Variants in RAB21 observed in about 807,000 individuals in gnomAD.
RAB21 encodes the protein ras-related protein Rab-21.
In RAB21, 13 loss-of-function variants were observed where a neutral mutation model predicts 33.1. That is an observed-to-expected ratio of 0.39 (90% CI 0.26 to 0.62). The LOEUF (loss-of-function observed/expected upper bound fraction) is 0.62. Ranked by LOEUF, RAB21 falls within the 20% of genes least tolerant of loss-of-function variation. The probability of loss-of-function intolerance (pLI) is 0.48; values close to 1 mark genes in which losing one functional copy is unlikely to be tolerated. For missense variants in RAB21, 234 were observed against 279.1 expected, an observed-to-expected ratio of 0.84 and a Z score of 1.15; for synonymous variants, 91 against 103.7, an observed-to-expected ratio of 0.88 and a Z score of 0.74.
chr12:71,769,658 T>G, intron 1 of RAB21, 142 bp from the exon 2 acceptor site: 2 of 403,090 alleles, frequency 5.0e-6, no homozygotes, highest in East Asian at 3.8e-5. Context: ...AATGAAACAA[T>G]TTCGATCATT....
At chr12:71,757,375 G>C (rs970678351) in intron 1 of RAB21, among the ~76,000 whole-genome samples, 1 of 152,154 alleles carries the variant, frequency 6.6e-6, no homozygotes, top group Admixed American at 6.5e-5. Context: ...CTCCCAAAGT[G>C]CTGGGATTAC....
intron 3 of RAB21, among the ~76,000 whole-genome samples, chr12:71,771,364 A>G (rs1883039882): frequency 6.6e-6 from 1 of 152,206 alleles, no homozygotes; most frequent in Non-Finnish European, 1.5e-5. Flanking sequence ...TATGTCAACA[A>G]TGTGTAACTA....
chr12:71,797,580 A>T lies in RAB21; in HGVS notation c.*11907A>T, dbSNP rs1032501656. 1 of 75,354 alleles carries T rather than the reference A, an allele frequency of 1.3e-5. No individual in the cohort carries two copies. Among genetic ancestry groups the T allele is most frequent in the African/African-American group, 1.2e-4 (1 of 8,144 alleles). 4.7% of individuals were successfully genotyped at this position (75,354 alleles called of 1,614,324 possible). A position where few individuals can be genotyped will look rare whatever the true frequency, so the allele number is the denominator to read the frequency against. ...CAATCCCAATAAAAATATAAGGATT[A>T]AAAAAAAAAAAAACTAGATCGCTGA... On this transcript the variant is annotated 3_prime_UTR_variant, in exon 7 of 7. Coordinates refer to ENST00000261263, the MANE Select transcript of RAB21 (RefSeq NM_014999.4).
chr12:71,791,804 C>G lies in RAB21; in HGVS notation c.*6131C>G, dbSNP rs1181511018. 1 of 152,116 alleles carries G rather than the reference C, an allele frequency of 6.6e-6. No individual in the cohort carries two copies. Among genetic ancestry groups the G allele is most frequent in the African/African-American group, 2.4e-5 (1 of 41,426 alleles). 9.4% of individuals were successfully genotyped at this position (152,116 alleles called of 1,614,324 possible). ...CCATTCCCTGAATGGAACTTCTACCCTATATCAAATTCCACCCTCAACTGA... is the reference window on the plus strand; with the variant it reads ...CCATTCCCTGAATGGAACTTCTACCGTATATCAAATTCCACCCTCAACTGA... On this transcript the variant is annotated 3_prime_UTR_variant, in exon 7 of 7. Transcript: ENST00000261263.
chr12:71,755,239 T>A lies in RAB21; in HGVS notation c.110T>A (p.Leu37Gln). The change falls in exon 1 of 7, where the codon CTG (leucine) becomes CAG (glutamine). Residue 37 changes from leucine to glutamine, a missense_variant. Physicochemically the swap from Leu to Gln is moderately radical, Grantham distance 113. Coordinates refer to ENST00000261263, the MANE Select transcript of RAB21 (RefSeq NM_014999.4). ...TGCGTGGGGAAGACGTCGCTGGTGC[T>A]GCGCTACTGCGAGAACAAGTTTAAC... ...EGCVGKTSLV[L>Q]RYCENKFNDK... The A allele has an allele frequency of 6.5e-7, 1 of 1,547,070 alleles. No individual in the cohort carries two copies. Among genetic ancestry groups the A allele is most frequent in the Non-Finnish European group, 8.7e-7 (1 of 1,151,010 alleles).
At chr12:71,784,547 A>G (rs1459975281) in intron 6 of RAB21, among the ~76,000 whole-genome samples, 1 of 151,694 alleles carries the variant, frequency 6.6e-6, no homozygotes, top group Non-Finnish European at 1.5e-5. Flanking sequence ...GTCCAGTTCT[A>G]TTAATACTAC....
intron 1 of RAB21, among the ~76,000 whole-genome samples, chr12:71,768,422 A>T (rs1247476687): frequency 3.4e-4 from 51 of 152,102 alleles, no homozygotes; most frequent in Non-Finnish European, 1.5e-5. Flanking sequence ...CTATCTCTAT[A>T]CAGGTCTGAA....
chr12:71,762,454 C>T (rs373234085), intron 1 of RAB21, among the ~76,000 whole-genome samples: 12 of 151,918 alleles, frequency 7.9e-5, no homozygotes, highest in Non-Finnish European at 1.5e-4. Flanking sequence ...TACAGGCGCC[C>T]GCTACCACGC....
At position 71,755,158 on chromosome 12, in the gene RAB21, GGGC is replaced by G. The variant is rs745789029; in HGVS notation, c.41_43del (p.Ala14del). 173 of 1,302,892 alleles carry G rather than the reference GGGC, an allele frequency of 1.3e-4. No individual in the cohort carries two copies. Among genetic ancestry groups the G allele is most frequent in the South Asian group, 3.9e-4 (15 of 38,190 alleles). 80.7% of individuals were successfully genotyped at this position (1,302,892 alleles called of 1,614,324 possible). A position where few individuals can be genotyped will look rare whatever the true frequency, so the allele number is the denominator to read the frequency against. On this transcript the variant is annotated inframe_deletion, in exon 1 of 7. Transcript: ENST00000261263. ...GCTGCGGCCGGCGGCGGCGGCGGCG[GGGC>G]GGCGGCGGCGGGCCGAGCCTACTCG...
intron 1 of RAB21, among the ~76,000 whole-genome samples, chr12:71,760,995 AC>A (rs1882864792): frequency 6.6e-6 from 1 of 151,832 alleles, no homozygotes; most frequent in Non-Finnish European, 1.5e-5. Context: ...GCTTGAGGAC[AC>A]AAGTTCAAGA....
intron 1 of RAB21, 63 bp downstream of exon 1, chr12:71,755,351 A>G: frequency 7.0e-7 from 1 of 1,418,776 alleles, no homozygotes. Flanking sequence ...GGCTGGGGAA[A>G]CTTTGCCGCC....
rs1457587162 is a variant in RAB21, at chr12:71,794,649, A to T, written c.*8976A>T. 2 of 145,754 alleles carry T rather than the reference A, an allele frequency of 1.4e-5. No homozygotes were observed. The highest frequency in any genetic ancestry group is 3.0e-5 in the Non-Finnish European group (2 of 66,274). The allele number at this position is 145,754 out of a possible 1,614,324, so 9.0% of individuals were successfully genotyped here. A position where few individuals can be genotyped will look rare whatever the true frequency, so the allele number is the denominator to read the frequency against. ...GAGATGGGGTTTCACCGTGTTAGCC[A>T]GGATGGTCTCTATCTCCTGACCTTG... On this transcript the variant is annotated 3_prime_UTR_variant, in exon 7 of 7. Transcript: ENST00000261263.
Position 71,789,024 on chromosome 12 carries a change from TG to T in RAB21, c.*3352del, listed in dbSNP as rs1381136545. 1 of 151,844 alleles carries T rather than the reference TG, an allele frequency of 6.6e-6. No homozygotes were observed. The highest frequency in any genetic ancestry group is 2.4e-5 in the African/African-American group (1 of 41,330). 9.4% of individuals were successfully genotyped at this position (151,844 alleles called of 1,614,324 possible). A position where few individuals can be genotyped will look rare whatever the true frequency, so the allele number is the denominator to read the frequency against. On this transcript the variant is annotated 3_prime_UTR_variant, in exon 7 of 7. Coordinates refer to ENST00000261263, the MANE Select transcript of RAB21 (RefSeq NM_014999.4). The stretch of plus-strand genomic sequence containing the variant: ...TTTTTTTTTTTTAATAGTAGCCATA[TG>T]TTATTAGTGGAGTACTTTATATTTG...
In RAB21 at chr12:71,786,242, A is replaced by G. The variant is rs897080052; in HGVS notation, c.*569A>G. 1.3e-5 allele frequency: 2 copies of G among 152,526 alleles called. No homozygotes were observed. The highest frequency in any genetic ancestry group is 2.4e-5 in the African/African-American group (1 of 41,392). 9.4% of individuals were successfully genotyped at this position (152,526 alleles called of 1,614,324 possible). A position where few individuals can be genotyped will look rare whatever the true frequency, so the allele number is the denominator to read the frequency against. ...GCAATTACCAATGGCCTTTTTACAT[A>G]TTTTTTCTTTAATGAGGAATAATAT... On this transcript the variant is annotated 3_prime_UTR_variant, in exon 7 of 7. Coordinates refer to ENST00000261263, the MANE Select transcript of RAB21 (RefSeq NM_014999.4).
Position 71,797,596 on chromosome 12 carries a change from A to G in RAB21, c.*11923A>G, listed in dbSNP as rs1219926365. Reference sequence around the variant, plus strand: ...ATAAGGATTAAAAAAAAAAAAAACTAGATCGCTGATTCCAAAGTTTCTTTG... The same window carrying G: ...ATAAGGATTAAAAAAAAAAAAAACTGGATCGCTGATTCCAAAGTTTCTTTG... On this transcript the variant is annotated 3_prime_UTR_variant, in exon 7 of 7. Transcript: ENST00000261263. 1.4e-5 allele frequency: 2 copies of G among 147,498 alleles called. No individual in the cohort carries two copies. The highest frequency in any genetic ancestry group is 6.8e-5 in the Admixed American group (1 of 14,780). 9.1% of individuals were successfully genotyped at this position (147,498 alleles called of 1,614,324 possible). A position where few individuals can be genotyped will look rare whatever the true frequency, so the allele number is the denominator to read the frequency against.
In RAB21 at chr12:71,785,858, G is replaced by T; in HGVS notation, c.*185G>T. 3.6e-6 allele frequency: 2 copies of T among 548,940 alleles called. No individual in the cohort carries two copies. Among genetic ancestry groups the T allele is most frequent in the Non-Finnish European group, 5.9e-6 (2 of 338,516 alleles). 34.0% of individuals were successfully genotyped at this position (548,940 alleles called of 1,614,324 possible). A position where few individuals can be genotyped will look rare whatever the true frequency, so the allele number is the denominator to read the frequency against. ...AAACTTAGTGGAGTTTGTGACCAGA[G>T]AATTGGCATTTTCTACAAATGTTTT... On this transcript the variant is annotated 3_prime_UTR_variant, in exon 7 of 7. Coordinates refer to ENST00000261263, the MANE Select transcript of RAB21 (RefSeq NM_014999.4).
rs1883409964 is a variant in RAB21, at chr12:71,793,013, T to C, written c.*7340T>C. ...GCAAATAATACATTTTCAAGCCAGA[T>C]TAAAATTGAATAACTTACTTTCTAG... On this transcript the variant is annotated 3_prime_UTR_variant, in exon 7 of 7. Coordinates refer to ENST00000261263, the MANE Select transcript of RAB21 (RefSeq NM_014999.4). 6.6e-6 allele frequency: 1 copy of C among 152,222 alleles called. No homozygotes were observed. The highest frequency in any genetic ancestry group is 2.4e-5 in the African/African-American group (1 of 41,464). 9.4% of individuals were successfully genotyped at this position (152,222 alleles called of 1,614,324 possible). A position where few individuals can be genotyped will look rare whatever the true frequency, so the allele number is the denominator to read the frequency against.
intron 4 of RAB21, among the ~76,000 whole-genome samples, chr12:71,781,160 T>G (rs552834384): frequency 3.3e-5 from 5 of 152,134 alleles, no homozygotes; most frequent in Non-Finnish European, 5.9e-5. Context: ...ACTAAAATTG[T>G]TTTTTAAACA....
Position 71,789,846 on chromosome 12 carries a change from C to T in RAB21, c.*4173C>T, listed in dbSNP as rs1379563683. On this transcript the variant is annotated 3_prime_UTR_variant, in exon 7 of 7. Transcript: ENST00000261263. ...TCGTGCTACACATATGTCTGATGGC[C>T]TTTACCTTTTCAAGAAAACAGTTGC... The T allele has an allele frequency of 6.6e-6, 1 of 152,056 alleles. No individual in the cohort carries two copies. Among genetic ancestry groups the T allele is most frequent in the African/African-American group, 2.4e-5 (1 of 41,418 alleles). 9.4% of individuals were successfully genotyped at this position (152,056 alleles called of 1,614,324 possible).
Sources: allele counts gnomAD v4.1 joint callset (sites outside exome capture counted in the v4.1 genomes callset), GRCh38; gene constraint gnomAD v4.1.1; transcripts MANE v1.5; gene names NCBI Gene and HGNC (gene_info 2026-07-23, HGNC 2026-07-21).